INTS7: variants seen among roughly 807,000 people sequenced by gnomAD.
INTS7 encodes chromosome 1 open reading frame 73.
INTS7 carries 46 observed loss-of-function variants against 109.2 expected under a neutral mutation model. The ratio of observed to expected loss-of-function variants is 0.42; its 90% CI spans 0.33 to 0.54. INTS7 has a LOEUF of 0.54. Among genes scored for constraint, INTS7 ranks in the 20% least tolerant of loss-of-function variants. The probability of loss-of-function intolerance (pLI) is 0.07; values close to 1 mark genes in which losing one functional copy is unlikely to be tolerated. For synonymous variants in INTS7, 412 were observed against 402.9 expected (o/e 1.02, Z -0.27); for missense variants, 929 against 1,132.4 (o/e 0.82, Z 2.58).
intron 7 of INTS7, among the ~76,000 whole-genome samples, chr1:212,003,511 C>T (rs947628776): frequency 2.0e-5 from 3 of 151,946 alleles, no homozygotes; most frequent in Non-Finnish European, 4.4e-5. Context: ...CACTCAAGGA[C>T]CTTCCGAAGG....
chr1:211,947,233 G>A (rs765122305), intron 17 of INTS7, among the ~76,000 whole-genome samples: 1 of 152,104 alleles, frequency 6.6e-6, no homozygotes, highest in Non-Finnish European at 1.5e-5. Context: ...GGGGAATCCT[G>A]AAACTCTAAT....
Position 212,016,946 on chromosome 1 carries a change from T to C in INTS7, c.449A>G (p.His150Arg), listed in dbSNP as rs1293315481. Residue 150 changes from histidine (H) to arginine (R), a missense_variant, in exon 4 of 20, where the codon CAT (histidine) becomes CGT (arginine). His to Arg is a conservative substitution (Grantham distance 29, BLOSUM62 0). Coordinates refer to ENST00000366994, the MANE Select transcript of INTS7 (RefSeq NM_015434.4). ...HHSIRQSLDS[H>R]DNVEVEAAVF... ...AGCAGCTTCAACTTCTACATTATCA[T>C]GTGAATCTAAACTCTGACGAATACT... 3.1e-6 allele frequency: 5 copies of C among 1,606,736 alleles called. No individual in the cohort carries two copies. The highest frequency in any genetic ancestry group is 4.2e-6 in the Non-Finnish European group (5 of 1,176,934).
chr1:211,967,831 G>T, intron 15 of INTS7, 47 bp downstream of exon 15: 5 of 1,004,776 alleles, frequency 5.0e-6, no homozygotes, highest in South Asian at 2.8e-5. Context: ...GTATTTAAAA[G>T]AATACTTCCA....
At chr1:211,974,241 A>C (rs1571865043) in intron 13 of INTS7, among the ~76,000 whole-genome samples, 2 of 144,950 alleles carry the variant, frequency 1.4e-5, no homozygotes, top group East Asian at 4.0e-4. Context: ...TATTAGCCTA[A>C]TATAGGAAAC....
intron 9 of INTS7, among the ~76,000 whole-genome samples, chr1:211,982,039 G>C (rs1664692505): frequency 6.6e-6 from 1 of 152,120 alleles, no homozygotes; most frequent in African/African-American, 2.4e-5. Context: ...GGGGATAAGA[G>C]GAACCACTGA....
intron 16 of INTS7, among the ~76,000 whole-genome samples, chr1:211,954,833 T>C (rs1428717337): frequency 3.3e-5 from 5 of 152,274 alleles, no homozygotes; most frequent in Non-Finnish European, 7.3e-5. Flanking sequence ...GGTAGTGTGA[T>C]GCCTCCGGCT....
At position 212,007,350 on chromosome 1, in the gene INTS7, T is replaced by C. The variant is rs149352074; in HGVS notation, c.656A>G (p.Gln219Arg). The change falls in exon 6 of 20, where the codon CAA becomes CGA. Residue 219 changes from glutamine (Q) to arginine (R), a missense_variant. Transcript: ENST00000366994. ...GGACGGATAGGATGTGACCAGCTGT[T>C]GTAAAAGCTGACGAGCACTGGAAGC... ...ILASSARQLL[Q>R]QLVTSYPSTK... is the part of the protein sequence containing the mutation. 3.2e-5 allele frequency: 51 copies of C among 1,613,936 alleles called. No homozygotes were observed. The highest frequency in any genetic ancestry group is 3.9e-5 in the Non-Finnish European group (46 of 1,179,942).
chr1:212,024,502 A>G (rs3010029), intron 1 of INTS7, among the ~76,000 whole-genome samples: 12,655 of 152,210 alleles, frequency 0.083, 743 homozygotes, highest in African/African-American at 0.17. Context: ...ACATAGCAAT[A>G]CTACTTTCAG....
At chr1:211,999,126 TCCATTTCTAGGTATTTAA>T (rs1665544846) in intron 7 of INTS7, among the ~76,000 whole-genome samples, 1 of 152,172 alleles carries the variant, frequency 6.6e-6, no homozygotes, top group African/African-American at 2.4e-5. Flanking sequence ...ACCCAGCAAT[TCCATTTCTAGGTATTTAA>T]CCAAGAGATG....
chr1:211,971,848 G>A (rs1034216866), intron 13 of INTS7, among the ~76,000 whole-genome samples: 3 of 150,460 alleles, frequency 2.0e-5, no homozygotes, highest in Non-Finnish European at 4.4e-5. Context: ...CCTGGGAGGT[G>A]GAGGTTGCAG....
At position 212,011,440 on chromosome 1, in the gene INTS7, G is replaced by C; in HGVS notation, c.510-19C>G. 1 of 1,529,002 alleles carries C rather than the reference G, an allele frequency of 6.5e-7. No homozygotes were observed. The highest frequency in any genetic ancestry group is 1.4e-5 in the African/African-American group (1 of 72,034). The allele number at this position is 1,529,002 out of a possible 1,614,324, so 94.7% of individuals were successfully genotyped here. On this transcript the variant is annotated intron_variant, in intron 4 of 19. Coordinates refer to ENST00000366994, the MANE Select transcript of INTS7 (RefSeq NM_015434.4). ...AAAATCCCTTTGGAAAAAGAGAACA[G>C]AGAACAGAAAAAACTTACATTTGCT...
chr1:211,971,942 G>GA (rs1664197338), intron 13 of INTS7, among the ~76,000 whole-genome samples: 1 of 136,040 alleles, frequency 7.4e-6, no homozygotes, highest in Non-Finnish European at 1.6e-5. Flanking sequence ...AAAAAGAAAA[G>GA]AAAAGAAAAA....
At chr1:211,970,655 G>C (rs116355570) in intron 13 of INTS7, among the ~76,000 whole-genome samples, 1 of 152,022 alleles carries the variant, frequency 6.6e-6, no homozygotes, top group African/African-American at 2.4e-5. Context: ...TCTTCAAAAG[G>C]AACTTCACAG....
chr1:211,988,154 G>A, intron 7 of INTS7, 151 bp from the exon 8 acceptor site: 1 of 496,660 alleles, frequency 2.0e-6, no homozygotes, highest in Non-Finnish European at 3.5e-6. Flanking sequence ...CAGGTGCAGT[G>A]GCTCATTCTG....
intron 13 of INTS7, among the ~76,000 whole-genome samples, chr1:211,974,293 A>ATATATATATATG (rs1485872894): frequency 7.9e-6 from 1 of 126,400 alleles, no homozygotes; most frequent in African/African-American, 2.6e-5. Context: ...ATATATATAT[A>ATATATATATATG]TATATATATA....
intron 4 of INTS7, among the ~76,000 whole-genome samples, chr1:212,015,525 C>T (rs1666387665): frequency 6.6e-6 from 1 of 151,562 alleles, no homozygotes; most frequent in Non-Finnish European, 1.5e-5. Context: ...CGTTAAGAGT[C>T]ATCACCACTC....
chr1:211,966,408 C>A (rs1158564626), intron 16 of INTS7, 22 bp downstream of exon 16: 6 of 1,358,546 alleles, frequency 4.4e-6, no homozygotes, highest in Admixed American at 1.7e-5. Flanking sequence ...GTAACGCCAA[C>A]TATTATTAAT....
chr1:211,968,545 C>A lies in INTS7; in HGVS notation c.1978G>T (p.Asp660Tyr), dbSNP rs200583136. The change falls in exon 14 of 20, where the codon GAC (aspartate) becomes TAC (tyrosine). Residue 660 changes from aspartate to tyrosine, a missense_variant. By Grantham distance (160) the Asp-to-Tyr change is radical. Around this residue, in one of 2 missense-constraint regions of INTS7, gnomAD observed 787 missense variants for 901.1 expected, o/e 0.87. Coordinates refer to ENST00000366994, the MANE Select transcript of INTS7 (RefSeq NM_015434.4). Reference sequence around the variant, plus strand: ...GAGATGCGACCACACCTCTGGAGGTCATTTCCTAAGGTCATGGCAATTGTT... The same window carrying A: ...GAGATGCGACCACACCTCTGGAGGTAATTTCCTAAGGTCATGGCAATTGTT... The part of the protein sequence containing the change: ...ATTIAMTLGN[D>Y]LQRCGRISNQ... The A allele has an allele frequency of 6.2e-7, 1 of 1,613,930 alleles. No individual in the cohort carries two copies. The highest frequency in any genetic ancestry group is 1.1e-5 in the South Asian group (1 of 91,042).
At chr1:211,995,755 G>A (rs1414041560) in intron 7 of INTS7, among the ~76,000 whole-genome samples, 1 of 152,154 alleles carries the variant, frequency 6.6e-6, no homozygotes, top group Non-Finnish European at 1.5e-5. Context: ...TAGGCCATAG[G>A]GAAGGAGCCC....
Sources: allele counts gnomAD v4.1 joint callset (sites outside exome capture counted in the v4.1 genomes callset), GRCh38; gene constraint gnomAD v4.1.1; regional missense constraint gnomAD v4.1.1; transcripts MANE v1.5; gene names NCBI Gene and HGNC (gene_info 2026-07-23, HGNC 2026-07-21).